EXOC4: variants seen among roughly 807,000 people sequenced by gnomAD.
EXOC4 encodes the protein SEC8-like 1.
In EXOC4, 71 loss-of-function variants were observed where a neutral mutation model predicts 107.2. The observed-to-expected ratio is 0.66, with a 90% CI of 0.55 to 0.81. EXOC4 has a LOEUF of 0.81. Among genes scored for constraint, EXOC4 ranks in the 30% least tolerant of loss-of-function variants. The probability of loss-of-function intolerance (pLI) is 0.00; values close to 1 mark genes in which losing one functional copy is unlikely to be tolerated. For missense variants in EXOC4, 1,108 were observed against 1,189.6 expected, an observed-to-expected ratio of 0.93 and a Z score of 1.01; for synonymous variants, 456 against 441.2, an observed-to-expected ratio of 1.03 and a Z score of -0.42.
intron 11 of EXOC4, among the ~76,000 whole-genome samples, chr7:133,818,072 T>C (rs1797417735): frequency 6.6e-6 from 1 of 152,268 alleles, no homozygotes; most frequent in East Asian, 1.9e-4. Context: ...TTTTACTTTA[T>C]ATAAAAAAAT....
intron 5 of EXOC4, among the ~76,000 whole-genome samples, chr7:133,332,845 A>G (rs922686590): frequency 1.3e-5 from 2 of 152,098 alleles, no homozygotes; most frequent in Admixed American, 6.6e-5. Flanking sequence ...AATGTCATCA[A>G]GTATGATATT....
At chr7:133,562,276 G>A (rs924818965) in intron 9 of EXOC4, among the ~76,000 whole-genome samples, 2 of 152,150 alleles carry the variant, frequency 1.3e-5, no homozygotes, top group Non-Finnish European at 2.9e-5. Flanking sequence ...CAAGCCCAGG[G>A]GTTGGTTTCT....
intron 9 of EXOC4, among the ~76,000 whole-genome samples, chr7:133,501,699 AT>A: frequency 6.6e-6 from 1 of 152,246 alleles, no homozygotes; most frequent in Non-Finnish European, 1.5e-5. Context: ...GGGTGAAAAG[AT>A]TTGACTTCTG....
chr7:133,309,888 C>G (rs964485688), intron 4 of EXOC4, among the ~76,000 whole-genome samples: 2 of 151,474 alleles, frequency 1.3e-5, no homozygotes, highest in Admixed American at 6.6e-5. Flanking sequence ...TGCAGTGAGC[C>G]GAGATCACAC....
intron 12 of EXOC4, among the ~76,000 whole-genome samples, chr7:133,907,692 A>G (rs1407881832): frequency 6.6e-6 from 1 of 152,172 alleles, no homozygotes; most frequent in Non-Finnish European, 1.5e-5. Context: ...TACAAATATT[A>G]GCTGGGCATG....
At chr7:133,660,078 T>G (rs1400646959) in intron 10 of EXOC4, among the ~76,000 whole-genome samples, 1 of 152,178 alleles carries the variant, frequency 6.6e-6, no homozygotes, top group East Asian at 1.9e-4. Context: ...TTCCCCATCC[T>G]GGGGTTTGTT....
intron 9 of EXOC4, among the ~76,000 whole-genome samples, chr7:133,487,148 T>A (rs1286031642): frequency 1.3e-5 from 2 of 152,126 alleles, no homozygotes; most frequent in Non-Finnish European, 2.9e-5. Context: ...AGCCTGGAAT[T>A]TATGGTAAAA....
At chr7:133,316,764 C>T (rs1363075768) in intron 4 of EXOC4, among the ~76,000 whole-genome samples, 1 of 152,068 alleles carries the variant, frequency 6.6e-6, no homozygotes, top group South Asian at 2.1e-4. Flanking sequence ...TGATTGTCCA[C>T]GTCATGAAAT....
chr7:133,417,931 A>AT (rs1299623307), intron 7 of EXOC4, among the ~76,000 whole-genome samples: 1 of 152,150 alleles, frequency 6.6e-6, no homozygotes, highest in African/African-American at 2.4e-5. Context: ...CAGTAGATGG[A>AT]TTTTTTATTT....
intron 14 of EXOC4, among the ~76,000 whole-genome samples, chr7:133,941,634 C>T (rs1800430353): frequency 6.6e-6 from 1 of 152,178 alleles, no homozygotes; most frequent in Admixed American, 6.5e-5. Flanking sequence ...TGTTCCTTCT[C>T]CTCTGGTATT....
intron 5 of EXOC4, among the ~76,000 whole-genome samples, chr7:133,335,422 C>G (rs1334112021): frequency 1.3e-5 from 2 of 152,148 alleles, no homozygotes; most frequent in African/African-American, 4.8e-5. Context: ...AATTTGACTA[C>G]TGTGGATACC....
chr7:133,313,898 C>A (rs892766343), intron 4 of EXOC4, among the ~76,000 whole-genome samples: 1 of 152,022 alleles, frequency 6.6e-6, no homozygotes, highest in African/African-American at 2.4e-5. Context: ...TTGGGGGGAC[C>A]ATTTTATACT....
chr7:133,514,322 G>T (rs566826077), intron 9 of EXOC4, among the ~76,000 whole-genome samples: 1 of 151,922 alleles, frequency 6.6e-6, no homozygotes, highest in Non-Finnish European at 1.5e-5. Context: ...ATGCCACCGC[G>T]CCCAGCTAAT....
chr7:133,987,979 T>C (rs1794156521), intron 14 of EXOC4, among the ~76,000 whole-genome samples: 1 of 152,238 alleles, frequency 6.6e-6, no homozygotes, highest in African/African-American at 2.4e-5. Context: ...GTCTGGTTAA[T>C]ATTAGGATGT....
intron 17 of EXOC4, among the ~76,000 whole-genome samples, chr7:134,031,136 AG>A: frequency 6.6e-6 from 1 of 152,218 alleles, no homozygotes; most frequent in Non-Finnish European, 1.5e-5. Context: ...AGGGGATAAC[AG>A]CTAAAGGATA....
the EXOC4 span, among the ~76,000 whole-genome samples, chr7:134,092,096 A>AC: frequency 7.2e-5 from 11 of 152,306 alleles, no homozygotes; most frequent in South Asian, 2.3e-3. Flanking sequence ...TGATTTCCAG[A>AC]GTTAACTACA....
At chr7:133,824,503 G>T (rs1797652235) in intron 11 of EXOC4, among the ~76,000 whole-genome samples, 2 of 152,124 alleles carry the variant, frequency 1.3e-5, no homozygotes. Context: ...CCTTTTCCTG[G>T]AGTTTGTCAG....
At position 133,630,142 on chromosome 7, in the gene EXOC4, G is replaced by A. The variant is rs765454467; in HGVS notation, c.1514+1G>A. 1 of 1,604,928 alleles carries A rather than the reference G, an allele frequency of 6.2e-7. No homozygotes were observed. Among genetic ancestry groups the A allele is most frequent in the Admixed American group, 1.7e-5 (1 of 59,978 alleles). On this transcript the variant is annotated splice_donor_variant, in intron 10 of 17. Transcript: ENST00000253861. LOFTEE classifies it high-confidence loss of function. ...CCGTCATATTCCACCCATTACTAAG[G>A]TAAGTCAAGTGCTATGATATACTTA...
chr7:134,016,913 C>T (rs1439429806), intron 17 of EXOC4, among the ~76,000 whole-genome samples: 8 of 152,182 alleles, frequency 5.3e-5, no homozygotes, highest in African/African-American at 1.9e-4. Context: ...TGTCTGTGGT[C>T]TCCTAAATCT....
Sources: allele counts gnomAD v4.1 joint callset (sites outside exome capture counted in the v4.1 genomes callset), GRCh38; gene constraint gnomAD v4.1.1; transcripts MANE v1.5; gene names NCBI Gene and HGNC (gene_info 2026-07-23, HGNC 2026-07-21).